Variants in OR10H2 observed in about 807,000 individuals in gnomAD.
The protein encoded by OR10H2 is olfactory receptor 10H2.
Under a neutral mutation model 0.8 loss-of-function variants are expected in OR10H2, and 1 was observed. The ratio of observed to expected loss-of-function variants is 1.23; its 90% confidence interval spans 0.44 to 5.84. OR10H2 has a LOEUF of 5.84. OR10H2 is among the 30% of genes most tolerant of loss of function. OR10H2 has a pLI of 0.15. For synonymous variants in OR10H2, 204 were observed against 174.3 expected, an observed-to-expected ratio of 1.17 and a Z score of -1.34; for missense variants, 355 against 405.9, an observed-to-expected ratio of 0.87 and a Z score of 1.08.
rs753646695 is a variant in OR10H2, at chr19:15,728,595, G to T, written c.552G>T (p.Leu184=). 1 of 1,614,182 alleles carries T rather than the reference G, an allele frequency of 6.2e-7. No homozygotes were observed. Residue 184 remains leucine, a synonymous_variant, in exon 1 of 1, where the codon CTG becomes CTT. Transcript: ENST00000305899. ...ATTTTTTATGTCATGTGCCACCTCTGTTGAAGTTGGCCTGTGGAAATAATG... is the reference window on the plus strand; with the variant it reads ...ATTTTTTATGTCATGTGCCACCTCTTTTGAAGTTGGCCTGTGGAAATAATG... The part of the protein sequence containing the change: ...IQHFLCHVPP[L]LKLACGNNVP...
chr19:15,728,838 T>C lies in OR10H2; in HGVS notation c.795T>C (p.Gly265=), dbSNP rs559783988. Residue 265 remains glycine (G), a synonymous_variant, in exon 1 of 1, where the codon GGT becomes GGC. Transcript: ENST00000305899. The part of the protein sequence containing the change: ...FASVIYLKPK[G]PHSQEGDTLM... ...CTGTCATCTACCTCAAGCCCAAAGG[T>C]CCCCACTCTCAGGAGGGTGACACCC... The C allele has an allele frequency of 1.4e-5, 22 of 1,613,938 alleles. No homozygotes were observed. In the African/African-American group the frequency reaches 2.7e-4, roughly 20 times the overall value.
Position 15,728,391 on chromosome 19 carries a change from C to T in OR10H2, c.348C>T (p.Thr116=), listed in dbSNP as rs541551571. Residue 116 remains threonine, a synonymous_variant, in exon 1 of 1, where the codon ACC becomes ACT. Coordinates refer to ENST00000305899, the MANE Select transcript of OR10H2 (RefSeq NM_013939.2). ...SFGFTHSFLL[T]VMGYDRYVAI... ...GCTTCACCCACTCCTTCCTGCTCAC[C>T]GTCATGGGCTACGACCGCTACGTGG... The T allele has an allele frequency of 1.8e-4, 288 of 1,612,754 alleles. No individual in the cohort carries two copies. In the African/African-American group the frequency reaches 2.6e-3, roughly 14 times the overall value.
In OR10H2 at chr19:15,728,033, G is replaced by A. The variant is rs1383545342; in HGVS notation, c.-11G>A. On this transcript the variant is annotated 5_prime_UTR_variant, in exon 1 of 1. Coordinates refer to ENST00000305899, the MANE Select transcript of OR10H2 (RefSeq NM_013939.2). The stretch of plus-strand genomic sequence containing the variant: ...CTTCTTTCCTCTCTTCCCCAACTAG[G>A]GGTGGCCGTCATGCTGGGGCTAAAC... The A allele has an allele frequency of 1.9e-6, 3 of 1,601,144 alleles. No individual in the cohort carries two copies. Among genetic ancestry groups the A allele is most frequent in the Non-Finnish European group, 2.6e-6 (3 of 1,171,556 alleles).
At position 15,728,810 on chromosome 19, in the gene OR10H2, C is replaced by A. The variant is rs1568435955; in HGVS notation, c.767C>A (p.Ala256Asp). ...GTGGTCATTGTGCACTATGGCTTTG[C>A]CTCTGTCATCTACCTCAAGCCCAAA... ...LIVVIVHYGF[A>D]SVIYLKPKGP... The change falls in exon 1 of 1, where the codon GCC becomes GAC. Residue 256 changes from alanine to aspartate, a missense_variant. By Grantham distance (126) the Ala-to-Asp change is moderately radical. Coordinates refer to ENST00000305899, the MANE Select transcript of OR10H2 (RefSeq NM_013939.2). The A allele has an allele frequency of 4.3e-6, 7 of 1,614,162 alleles. No individual in the cohort carries two copies. Among genetic ancestry groups the A allele is most frequent in the Non-Finnish European group, 5.9e-6 (7 of 1,180,036 alleles).
At position 15,728,160 on chromosome 19, in the gene OR10H2, G is replaced by T; in HGVS notation, c.117G>T (p.Leu39=). The change falls in exon 1 of 1, where the codon CTG becomes CTT. Residue 39 remains leucine (L), a synonymous_variant. Coordinates refer to ENST00000305899, the MANE Select transcript of OR10H2 (RefSeq NM_013939.2). ...LLFLLMYLFT[L]LGNLLIMATV... is the part of the protein sequence containing the mutation. ...TCCTGCTGATGTACCTGTTCACGCT[G>T]CTGGGCAACCTGCTCATCATGGCCA... 1 of 1,614,142 alleles carries T rather than the reference G, an allele frequency of 6.2e-7. No homozygotes were observed. The highest frequency in any genetic ancestry group is 1.3e-5 in the African/African-American group (1 of 75,028).
Position 15,728,520 on chromosome 19 carries a change from G to T in OR10H2, c.477G>T (p.Val159=). Residue 159 remains valine, a synonymous_variant, in exon 1 of 1, where the codon GTG becomes GTT. Coordinates refer to ENST00000305899, the MANE Select transcript of OR10H2 (RefSeq NM_013939.2). ...WAGGSVMGMV[V]TSAIFQLTFC... is the part of the protein sequence containing the mutation. ...GTGGCTCGGTCATGGGGATGGTGGTGACCTCGGCCATTTTCCAACTGACTT... is the reference window on the plus strand; with the variant it reads ...GTGGCTCGGTCATGGGGATGGTGGTTACCTCGGCCATTTTCCAACTGACTT... The T allele has an allele frequency of 6.2e-7, 1 of 1,613,308 alleles. No individual in the cohort carries two copies. Among genetic ancestry groups the T allele is most frequent in the Non-Finnish European group, 8.5e-7 (1 of 1,179,392 alleles).
In OR10H2 at chr19:15,728,761, T is replaced by G; in HGVS notation, c.718T>G (p.Ser240Ala). 6.2e-7 allele frequency: 1 copy of G among 1,614,216 alleles called. No individual in the cohort carries two copies. The highest frequency in any genetic ancestry group is 8.5e-7 in the Non-Finnish European group (1 of 1,180,038). The change falls in exon 1 of 1, where the codon TCC becomes GCC. Residue 240 changes from serine (S) to alanine (A), a missense_variant. Coordinates refer to ENST00000305899, the MANE Select transcript of OR10H2 (RefSeq NM_013939.2). ...TGCTGAAGGTCGGAACAAGGCCTTCTCCACCTGTGCCTCTCACCTTATTGT... is the reference window on the plus strand; with the variant it reads ...TGCTGAAGGTCGGAACAAGGCCTTCGCCACCTGTGCCTCTCACCTTATTGT... ...PSAEGRNKAF[S>A]TCASHLIVVI...
In OR10H2 at chr19:15,728,810, C is replaced by G; in HGVS notation, c.767C>G (p.Ala256Gly). 1.2e-6 allele frequency: 2 copies of G among 1,614,162 alleles called. No homozygotes were observed. Among genetic ancestry groups the G allele is most frequent in the Middle Eastern group, 1.6e-4 (1 of 6,062 alleles). The change falls in exon 1 of 1, where the codon GCC becomes GGC. Residue 256 changes from alanine to glycine, a missense_variant. Around this residue, in one of 3 missense-constraint regions of OR10H2, gnomAD observed 178 missense variants for 172.8 expected, o/e 1.03. Coordinates refer to ENST00000305899, the MANE Select transcript of OR10H2 (RefSeq NM_013939.2). The part of the protein sequence containing the change: ...LIVVIVHYGF[A>G]SVIYLKPKGP... ...GTGGTCATTGTGCACTATGGCTTTG[C>G]CTCTGTCATCTACCTCAAGCCCAAA... is the stretch of plus-strand genomic sequence containing the variant.
chr19:15,728,536 C>T lies in OR10H2; in HGVS notation c.493C>T (p.Gln165Ter). The change falls in exon 1 of 1, where the codon CAA becomes TAA. Residue 165 changes from glutamine (Q) to a stop codon, truncating the protein, a stop_gained. Coordinates refer to ENST00000305899, the MANE Select transcript of OR10H2 (RefSeq NM_013939.2). LOFTEE classifies it low-confidence loss of function (END_TRUNC). ...GATGGTGGTGACCTCGGCCATTTTC[C>T]AACTGACTTTCTGTGGATCCCATGA... ...MGMVVTSAIFQLTFCGSHEIQ... is the reference protein window; with the variant it reads ...MGMVVTSAIF 2 of 1,613,620 alleles carry T rather than the reference C, an allele frequency of 1.2e-6. No individual in the cohort carries two copies. The highest frequency in any genetic ancestry group is 1.7e-6 in the Non-Finnish European group (2 of 1,179,570).
In OR10H2 at chr19:15,728,862, C is replaced by A; in HGVS notation, c.819C>A (p.Thr273=). 2 of 1,614,148 alleles carry A rather than the reference C, an allele frequency of 1.2e-6. No individual in the cohort carries two copies. Among genetic ancestry groups the A allele is most frequent in the Non-Finnish European group, 1.7e-6 (2 of 1,180,038 alleles). ...GTCCCCACTCTCAGGAGGGTGACAC[C>A]CTGATGGCCACCACCTACGCAGTCC... ...PKGPHSQEGD[T]LMATTYAVLT... The change falls in exon 1 of 1, where the codon ACC becomes ACA. Residue 273 remains threonine, a synonymous_variant. Coordinates refer to ENST00000305899, the MANE Select transcript of OR10H2 (RefSeq NM_013939.2).
Position 15,728,746 on chromosome 19 carries a change from C to G in OR10H2, c.703C>G (p.Arg235Gly), listed in dbSNP as rs757511557. 10 of 1,614,176 alleles carry G rather than the reference C, an allele frequency of 6.2e-6. No homozygotes were observed. The highest frequency in any genetic ancestry group is 6.8e-6 in the Non-Finnish European group (8 of 1,180,046). ...CTTGAAGATCCCTTCTGCTGAAGGT[C>G]GGAACAAGGCCTTCTCCACCTGTGC... ...DILKIPSAEG[R>G]NKAFSTCASH... is the part of the protein sequence containing the mutation. Residue 235 changes from arginine (R) to glycine (G), a missense_variant, in exon 1 of 1, where the codon CGG (arginine) becomes GGG (glycine). Physicochemically the swap from Arg to Gly is moderately radical, Grantham distance 125. Around this residue, in one of 3 missense-constraint regions of OR10H2, gnomAD observed 178 missense variants for 172.8 expected, o/e 1.03. Coordinates refer to ENST00000305899, the MANE Select transcript of OR10H2 (RefSeq NM_013939.2).
At position 15,728,771 on chromosome 19, in the gene OR10H2, C is replaced by T; in HGVS notation, c.728C>T (p.Ala243Val). Reference sequence around the variant, plus strand: ...CGGAACAAGGCCTTCTCCACCTGTGCCTCTCACCTTATTGTGGTCATTGTG... The same window carrying T: ...CGGAACAAGGCCTTCTCCACCTGTGTCTCTCACCTTATTGTGGTCATTGTG... ...EGRNKAFSTC[A>V]SHLIVVIVHY... is the part of the protein sequence containing the mutation. The change falls in exon 1 of 1, where the codon GCC becomes GTC. Residue 243 changes from alanine to valine, a missense_variant. Around this residue, in one of 3 missense-constraint regions of OR10H2, gnomAD observed 178 missense variants for 172.8 expected, o/e 1.03. Transcript: ENST00000305899. The T allele has an allele frequency of 6.2e-7, 1 of 1,614,128 alleles. No individual in the cohort carries two copies. The highest frequency in any genetic ancestry group is 8.5e-7 in the Non-Finnish European group (1 of 1,180,032).
At position 15,728,725 on chromosome 19, in the gene OR10H2, A is replaced by C. The variant is rs1453403852; in HGVS notation, c.682A>C (p.Lys228Gln). 3 of 1,613,984 alleles carry C rather than the reference A, an allele frequency of 1.9e-6. No homozygotes were observed. The highest frequency in any genetic ancestry group is 2.5e-6 in the Non-Finnish European group (3 of 1,180,032). The change falls in exon 1 of 1, where the codon AAG becomes CAG. Residue 228 changes from lysine (K) to glutamine (Q), a missense_variant. Transcript: ENST00000305899. ...TGCCTTCATCGTGGCCGACATCTTG[A>C]AGATCCCTTCTGCTGAAGGTCGGAA... ...SYAFIVADIL[K>Q]IPSAEGRNKA...
In OR10H2 at chr19:15,728,875, A is replaced by T; in HGVS notation, c.832A>T (p.Thr278Ser). 6.2e-7 allele frequency: 1 copy of T among 1,614,140 alleles called. No individual in the cohort carries two copies. Among genetic ancestry groups the T allele is most frequent in the Non-Finnish European group, 8.5e-7 (1 of 1,180,032 alleles). Residue 278 changes from threonine (T) to serine (S), a missense_variant, in exon 1 of 1, where the codon ACC (threonine) becomes TCC (serine). Physicochemically the swap from Thr to Ser is moderately conservative, Grantham distance 58. Coordinates refer to ENST00000305899, the MANE Select transcript of OR10H2 (RefSeq NM_013939.2). ...GGAGGGTGACACCCTGATGGCCACCACCTACGCAGTCCTCACGCCCTTCCT... is the reference window on the plus strand; with the variant it reads ...GGAGGGTGACACCCTGATGGCCACCTCCTACGCAGTCCTCACGCCCTTCCT... ...SQEGDTLMAT[T>S]YAVLTPFLSP...
At position 15,728,159 on chromosome 19, in the gene OR10H2, T is replaced by C. The variant is rs139495577; in HGVS notation, c.116T>C (p.Leu39Pro). 5 of 1,614,186 alleles carry C rather than the reference T, an allele frequency of 3.1e-6. No homozygotes were observed. The Admixed American group carries it at 5.0e-5, about 16-fold the overall frequency. Residue 39 changes from leucine to proline, a missense_variant, in exon 1 of 1, where the codon CTG becomes CCG. Coordinates refer to ENST00000305899, the MANE Select transcript of OR10H2 (RefSeq NM_013939.2). Reference protein sequence around the residue: ...LLFLLMYLFTLLGNLLIMATV... With the variant: ...LLFLLMYLFTPLGNLLIMATV... ...TTCCTGCTGATGTACCTGTTCACGCTGCTGGGCAACCTGCTCATCATGGCC... is the reference window on the plus strand; with the variant it reads ...TTCCTGCTGATGTACCTGTTCACGCCGCTGGGCAACCTGCTCATCATGGCC...
rs773154543 is a variant in OR10H2, at chr19:15,729,011, T to G, written c.*20T>G. The G allele has an allele frequency of 3.2e-6, 5 of 1,569,626 alleles. No homozygotes were observed. In the Admixed American group the frequency reaches 8.6e-5, roughly 27 times the overall value. ...ACCTGAGTAGCTGGTGTGGAAGTGC[T>G]GATAGAATATGATAGGAGGATGACC... On this transcript the variant is annotated 3_prime_UTR_variant, in exon 1 of 1. Transcript: ENST00000305899.
In OR10H2 at chr19:15,728,644, G is replaced by T. The variant is rs1348238348; in HGVS notation, c.601G>T (p.Gly201Cys). The change falls in exon 1 of 1, where the codon GGC becomes TGC. Residue 201 changes from glycine (G) to cysteine (C), a missense_variant. By Grantham distance (159) the Gly-to-Cys change is radical (BLOSUM62 -3). Coordinates refer to ENST00000305899, the MANE Select transcript of OR10H2 (RefSeq NM_013939.2). Reference protein sequence around the residue: ...NNVPAVALGVGLVCIMALLGC... With the variant: ...NNVPAVALGVCLVCIMALLGC... Reference sequence around the variant, plus strand: ...TGTACCAGCTGTGGCCCTGGGCGTGGGCTTGGTATGTATCATGGCACTGCT... The same window carrying T: ...TGTACCAGCTGTGGCCCTGGGCGTGTGCTTGGTATGTATCATGGCACTGCT... 4 of 1,614,052 alleles carry T rather than the reference G, an allele frequency of 2.5e-6. No homozygotes were observed. In the South Asian group the frequency reaches 3.3e-5, roughly 13 times the overall value.
chr19:15,728,713 G>A lies in OR10H2; in HGVS notation c.670G>A (p.Ala224Thr). 1 of 1,614,156 alleles carries A rather than the reference G, an allele frequency of 6.2e-7. No individual in the cohort carries two copies. The highest frequency in any genetic ancestry group is 1.7e-4 in the Middle Eastern group (1 of 6,060). ...CCTCCTCTCCTATGCCTTCATCGTG[G>A]CCGACATCTTGAAGATCCCTTCTGC... ...LILLSYAFIV[A>T]DILKIPSAEG... Residue 224 changes from alanine (A) to threonine (T), a missense_variant, in exon 1 of 1, where the codon GCC becomes ACC. By Grantham distance (58) the Ala-to-Thr change is moderately conservative. This residue lies in a region of OR10H2 where 178 missense variants were observed against 172.8 expected (regional missense o/e 1.03). Coordinates refer to ENST00000305899, the MANE Select transcript of OR10H2 (RefSeq NM_013939.2).
chr19:15,728,485 T>C lies in OR10H2; in HGVS notation c.442T>C (p.Ser148Pro), dbSNP rs997313195. 3.1e-6 allele frequency: 5 copies of C among 1,612,678 alleles called. No homozygotes were observed. The South Asian group carries it at 5.5e-5, about 18-fold the overall frequency. Residue 148 changes from serine (S) to proline (P), a missense_variant, in exon 1 of 1, where the codon TCC becomes CCC. Ser to Pro is a moderately conservative substitution (Grantham distance 74, BLOSUM62 -1). Transcript: ENST00000305899. ...GGGCTGCGCCTGCCTGGTGGGCTGCTCCTGGGCTGGTGGCTCGGTCATGGG... is the reference window on the plus strand; with the variant it reads ...GGGCTGCGCCTGCCTGGTGGGCTGCCCCTGGGCTGGTGGCTCGGTCATGGG... ...PRGCACLVGC[S>P]WAGGSVMGMV...
Sources: allele counts gnomAD v4.1 joint callset, GRCh38; gene constraint gnomAD v4.1.1; regional missense constraint gnomAD v4.1.1; transcripts MANE v1.5; gene names NCBI Gene and HGNC (gene_info 2026-07-23, HGNC 2026-07-21).